Variants in TENM3 observed in about 807,000 individuals in gnomAD.
TENM3 encodes the protein teneurin-3.
A neutral mutation model predicts 255.1 loss-of-function variants in TENM3; 63 were observed. The observed-to-expected ratio is 0.25, with a 90% CI of 0.20 to 0.30. TENM3 has a LOEUF of 0.30. Ranked by LOEUF, TENM3 falls within the 10% of genes least tolerant of loss-of-function variation. TENM3 has a pLI of 1.00. For synonymous variants in TENM3, 1,306 were observed against 1,322.3 expected, an observed-to-expected ratio of 0.99 and a Z score of 0.27; for missense variants, 2,929 against 3,461.1, an observed-to-expected ratio of 0.85 and a Z score of 3.86.
the TENM3 span, among the ~76,000 whole-genome samples, chr4:181,970,215 G>A: frequency 9.2e-4 from 140 of 152,194 alleles, no homozygotes; most frequent in Non-Finnish European, 1.7e-3. Context: ...ATAATAATGA[G>A]GGTTAAAAAT....
chr4:182,248,260 T>TA (rs985928125), intron 1 of TENM3, among the ~76,000 whole-genome samples: 2 of 151,602 alleles, frequency 1.3e-5, no homozygotes, highest in Admixed American at 6.6e-5. Flanking sequence ...TACAGTATAA[T>TA]AAAAAAAATT....
chr4:182,263,987 G>C (rs938940867), intron 1 of TENM3, among the ~76,000 whole-genome samples: 1 of 152,136 alleles, frequency 6.6e-6, no homozygotes, highest in Non-Finnish European at 1.5e-5. Context: ...CGATGGTGCC[G>C]CAAGCCGGAT....
At chr4:182,346,518 T>A (rs1156915273) in intron 2 of TENM3, 133 bp from the exon 3 acceptor site, 1 of 871,370 alleles carries the variant, frequency 1.1e-6, no homozygotes, top group East Asian at 2.7e-5. Context: ...TGTAAACGCC[T>A]GGTGCTGATC....
chr4:182,783,899 A>G (rs1765390288), intron 24 of TENM3, among the ~76,000 whole-genome samples: 1 of 151,892 alleles, frequency 6.6e-6, no homozygotes, highest in Non-Finnish European at 1.5e-5. Flanking sequence ...CTTGGTTTTC[A>G]GCTCCATCAG....
chr4:181,582,878 CA>C, the TENM3 span, among the ~76,000 whole-genome samples: 1 of 152,080 alleles, frequency 6.6e-6, no homozygotes, highest in Admixed American at 6.5e-5. Flanking sequence ...GGATGTTGTT[CA>C]GTCACCTTTG....
rs376413142 is a variant in TENM3 at position 182,152,542 on chromosome 4, A to G, written c.-76+7788A>G. Among the ~76,000 whole-genome samples the G allele has an allele frequency of 1.5e-4, 23 of 151,952 alleles. No homozygotes were observed. In the South Asian group the frequency reaches 4.6e-3, roughly 30 times the overall value. ...ATTAAGTAAAGCAAATTAGTCCTCA[A>G]TTGTTACTTTGTCCTAGAATATACA... On this transcript the variant is annotated intron_variant, in intron 1 of 2. Coordinates refer to the TENM3 transcript ENST00000512480.
chr4:182,217,388 C>G (rs111956797), intron 1 of TENM3, among the ~76,000 whole-genome samples: 2 of 152,040 alleles, frequency 1.3e-5, no homozygotes, highest in African/African-American at 4.8e-5. Flanking sequence ...ACTACTGCAA[C>G]AAAGATAATA....
At chr4:182,416,744 T>C (rs530609323) in intron 3 of TENM3, among the ~76,000 whole-genome samples, 12 of 152,194 alleles carry the variant, frequency 7.9e-5, no homozygotes, top group Non-Finnish European at 1.5e-4. Flanking sequence ...AGTCTGTTTA[T>C]ACAGTTATGC....
the TENM3 span, among the ~76,000 whole-genome samples, chr4:181,750,523 A>G: frequency 6.6e-6 from 1 of 152,182 alleles, no homozygotes; most frequent in Non-Finnish European, 1.5e-5. Flanking sequence ...CTTTTCTAGA[A>G]ATACATCTCC....
At chr4:182,504,252 G>A (rs1227379501) in intron 3 of TENM3, among the ~76,000 whole-genome samples, 2 of 150,304 alleles carry the variant, frequency 1.3e-5, no homozygotes, top group African/African-American at 2.5e-5. Flanking sequence ...TTTGGTTTTT[G>A]TGGTTTATAC....
chr4:181,921,298 G>C, the TENM3 span, among the ~76,000 whole-genome samples: 1 of 152,118 alleles, frequency 6.6e-6, no homozygotes, highest in Non-Finnish European at 1.5e-5. Flanking sequence ...GATGGGGATG[G>C]CATTGAATCT....
chr4:182,332,510 T>C (rs1763828086), intron 2 of TENM3, among the ~76,000 whole-genome samples: 1 of 151,816 alleles, frequency 6.6e-6, no homozygotes, highest in Non-Finnish European at 1.5e-5. Flanking sequence ...CTGGCCAACA[T>C]GGAGAAACCC....
intron 3 of TENM3, among the ~76,000 whole-genome samples, chr4:182,389,531 G>A (rs1768258199): frequency 6.6e-6 from 1 of 152,102 alleles, no homozygotes; most frequent in African/African-American, 2.4e-5. Flanking sequence ...AGCGTATGTG[G>A]CACAAAGAAA....
the TENM3 span, among the ~76,000 whole-genome samples, chr4:181,794,666 C>CTGTGTGTG: frequency 0.075 from 10,682 of 142,838 alleles, 436 homozygotes; most frequent in East Asian, 0.12. Context: ...AATAATATCC[C>CTGTGTGTG]TGTGTGTGTG....
the TENM3 span, among the ~76,000 whole-genome samples, chr4:181,759,338 A>G: frequency 5.3e-4 from 81 of 152,276 alleles, no homozygotes; most frequent in South Asian, 1.7e-3. Context: ...GATGAGAGAC[A>G]AAACCCATCT....
Position 182,751,819 on chromosome 4 carries a change from T to C in TENM3, c.3649T>C (p.Tyr1217His). 1 of 1,613,834 alleles carries C rather than the reference T, an allele frequency of 6.2e-7. No homozygotes were observed. The highest frequency in any genetic ancestry group is 8.5e-7 in the Non-Finnish European group (1 of 1,179,760). The change falls in exon 20 of 28, where the codon TAC becomes CAC. Residue 1217 changes from tyrosine (Y) to histidine (H), a missense_variant. Physicochemically the swap from Tyr to His is moderately conservative, Grantham distance 83. This residue lies in a region of TENM3 where 1,608 missense variants were observed against 1,884.4 expected (regional missense o/e 0.85). Coordinates refer to ENST00000511685, the MANE Select transcript of TENM3 (RefSeq NM_001080477.4). ...LELSSNPAHR[Y>H]YLATDPVTGD... ...TCACAGCAGCAACCCAGCTCATAGA[T>C]ACTACCTTGCAACGGATCCAGTCAC...
the TENM3 span, among the ~76,000 whole-genome samples, chr4:181,472,488 C>CT: frequency 0.2 from 30,306 of 151,862 alleles, 3,234 homozygotes; most frequent in Middle Eastern, 0.24. Context: ...GCCATAATGC[C>CT]TGCAGCCAGG....
chr4:181,467,657 T>C, the TENM3 span, among the ~76,000 whole-genome samples: 4 of 152,048 alleles, frequency 2.6e-5, no homozygotes, highest in Non-Finnish European at 5.9e-5. Flanking sequence ...AAAATGAGCA[T>C]AAGGTGACAC....
At chr4:182,050,751 C>G in the TENM3 span, among the ~76,000 whole-genome samples, 87,618 of 151,968 alleles carry the variant, frequency 0.58, 30,318 homozygotes, top group East Asian at 0.78. Flanking sequence ...TTGCAGTAAG[C>G]CAAGACTGCA....
Sources: gnomAD v4.1 joint callset for allele counts (sites outside exome capture counted in the v4.1 genomes callset) on GRCh38, gnomAD v4.1.1 for gene constraint, gnomAD v4.1.1 regional missense constraint, MANE v1.5 for transcripts, NCBI Gene and HGNC (gene_info 2026-07-23, HGNC 2026-07-21) for gene names.